The following ABRAXAS2 variants were observed in gnomAD, a reference collection of about 807,000 sequenced individuals.
ABRAXAS2 encodes the protein abraxas 2, BRISC complex subunit, also known as BRISC complex subunit Abraxas 2.
A neutral mutation model predicts 49.0 loss-of-function variants in ABRAXAS2; 23 were observed. That is an observed-to-expected ratio of 0.47 (90% CI 0.34 to 0.66). The LOEUF (loss-of-function observed/expected upper bound fraction) is 0.66, where lower values mean the gene tolerates loss of function less well. Among genes scored for constraint, ABRAXAS2 ranks in the 30% least tolerant of loss-of-function variants. ABRAXAS2 has a pLI of 0.01. For missense variants in ABRAXAS2, 443 were observed against 511.9 expected, an observed-to-expected ratio of 0.87 and a Z score of 1.30; for synonymous variants, 168 against 180.2, an observed-to-expected ratio of 0.93 and a Z score of 0.54.
intron 7 of ABRAXAS2, among the ~76,000 whole-genome samples, chr10:124,830,468 TGA>T (rs1235476554): frequency 6.6e-6 from 1 of 151,752 alleles, no homozygotes; most frequent in Non-Finnish European, 1.5e-5. Context: ...ATAAAAAGGA[TGA>T]AGGCCTCAGT....
intron 2 of ABRAXAS2, chr10:124,815,145 C>A (rs1950815236): frequency 6.6e-6 from 1 of 151,948 alleles, no homozygotes; most frequent in Admixed American, 6.6e-5. Flanking sequence ...AACATTAACA[C>A]AAGTACAGAA....
chr10:124,803,997 A>C (rs985210002), intron 1 of ABRAXAS2, among the ~76,000 whole-genome samples: 1 of 152,232 alleles, frequency 6.6e-6, no homozygotes, highest in African/African-American at 2.4e-5. Flanking sequence ...CCTACTATAA[A>C]GGAACATTGG....
chr10:124,801,878 A>T lies in ABRAXAS2; in HGVS notation c.49A>T (p.Ser17Cys). ...CACCTTCAGTGCTGTGTGTTTCCAC[A>T]GCGCCAACAGCAACGCGGACCACGT... ...GYTFSAVCFH[S>C]ANSNADHEGF... The change falls in exon 1 of 9, where the codon AGC (serine) becomes TGC (cysteine). Residue 17 changes from serine (S) to cysteine (C), a missense_variant. By Grantham distance (112) the Ser-to-Cys change is moderately radical (BLOSUM62 -1). Transcript: ENST00000298492. The T allele has an allele frequency of 6.2e-7, 1 of 1,613,100 alleles. No homozygotes were observed. The highest frequency in any genetic ancestry group is 8.5e-7 in the Non-Finnish European group (1 of 1,179,720).
intron 2 of ABRAXAS2, 89 bp from the exon 3 acceptor site, chr10:124,816,487 T>G (rs1001813871): frequency 1.1e-5 from 9 of 789,026 alleles, no homozygotes; most frequent in Middle Eastern, 2.9e-4. Context: ...TGTCAGAGAT[T>G]TTGATTAAAA....
intron 1 of ABRAXAS2, among the ~76,000 whole-genome samples, chr10:124,803,649 C>G (rs1950721572): frequency 6.6e-6 from 1 of 152,192 alleles, no homozygotes; most frequent in Admixed American, 6.6e-5. Flanking sequence ...TGCCTGTAAT[C>G]CCAGCACTTT....
chr10:124,804,713 C>CTTT (rs1444245073), intron 1 of ABRAXAS2, among the ~76,000 whole-genome samples: 2 of 90,140 alleles, frequency 2.2e-5, no homozygotes, highest in African/African-American at 7.0e-5. Context: ...TTCTTTTTTT[C>CTTT]TTTCTTTTTT....
At position 124,835,102 on chromosome 10, in the gene ABRAXAS2, A is replaced by G; in HGVS notation, c.*131A>G. 1 of 683,084 alleles carries G rather than the reference A, an allele frequency of 1.5e-6. No individual in the cohort carries two copies. The highest frequency in any genetic ancestry group is 2.4e-6 in the Non-Finnish European group (1 of 413,924). 42.3% of individuals were successfully genotyped at this position (683,084 alleles called of 1,614,324 possible). On this transcript the variant is annotated 3_prime_UTR_variant, in exon 9 of 9. Transcript: ENST00000298492. The stretch of plus-strand genomic sequence containing the variant: ...ACTCCCGAGAAGAGAGTCCTTGTGC[A>G]CAGAACTTGTGGGAGCCTCCATCCG...
chr10:124,811,030 T>C, intron 2 of ABRAXAS2, among the ~76,000 whole-genome samples: 1 of 146,818 alleles, frequency 6.8e-6, no homozygotes, highest in East Asian at 2.2e-4. Context: ...CCATCCTGGC[T>C]AACATGGTGA....
chr10:124,829,541 T>C (rs1341888635), intron 7 of ABRAXAS2, 64 bp downstream of exon 7: 5 of 1,096,158 alleles, frequency 4.6e-6, no homozygotes, highest in Non-Finnish European at 6.8e-6. Context: ...AATTCTACTT[T>C]AATTTTGAAT....
chr10:124,804,103 A>C (rs935631157), intron 1 of ABRAXAS2, among the ~76,000 whole-genome samples: 1 of 152,154 alleles, frequency 6.6e-6, no homozygotes, highest in African/African-American at 2.4e-5. Context: ...AGGTCTTGCT[A>C]TGTGGCCCAG....
intron 2 of ABRAXAS2, among the ~76,000 whole-genome samples, chr10:124,816,123 G>A (rs1298772526): frequency 6.6e-6 from 1 of 151,946 alleles, no homozygotes; most frequent in Non-Finnish European, 1.5e-5. Flanking sequence ...GACTGGTCTT[G>A]AACTCCTGAC....
chr10:124,833,031 A>T (rs1394239390), intron 8 of ABRAXAS2, among the ~76,000 whole-genome samples: 1 of 151,058 alleles, frequency 6.6e-6, no homozygotes, highest in Non-Finnish European at 1.5e-5. Flanking sequence ...CTGTAATCCC[A>T]GCTACTCGGG....
intron 3 of ABRAXAS2, among the ~76,000 whole-genome samples, chr10:124,817,371 G>GA (rs1950831438): frequency 6.6e-6 from 1 of 152,112 alleles, no homozygotes; most frequent in African/African-American, 2.4e-5. Context: ...GTGAGGAAAA[G>GA]AAAGTCCAGG....
intron 5 of ABRAXAS2, among the ~76,000 whole-genome samples, chr10:124,827,606 T>A (rs1241117904): frequency 1.3e-5 from 2 of 152,204 alleles, no homozygotes; most frequent in Non-Finnish European, 2.9e-5. Flanking sequence ...CATCATTTGC[T>A]TCTCCATAAT....
intron 8 of ABRAXAS2, 67 bp from the exon 9 acceptor site, chr10:124,834,435 G>A: frequency 1.4e-6 from 2 of 1,395,094 alleles, no homozygotes; most frequent in Non-Finnish European, 2.0e-6. Context: ...GGTTGGCCGT[G>A]TTATACATTG....
At chr10:124,827,091 CA>C (rs74221364) in intron 5 of ABRAXAS2, among the ~76,000 whole-genome samples, 2,759 of 84,366 alleles carry the variant, frequency 0.033, 95 homozygotes, top group African/African-American at 0.11. Context: ...GAATCCATCT[CA>C]AAAAAAAAAA....
intron 1 of ABRAXAS2, among the ~76,000 whole-genome samples, chr10:124,802,413 G>C (rs1249051047): frequency 1.3e-5 from 2 of 152,168 alleles, no homozygotes; most frequent in Admixed American, 6.5e-5. Flanking sequence ...TGTTTTCTTC[G>C]CCCTGATGCA....
intron 2 of ABRAXAS2, among the ~76,000 whole-genome samples, chr10:124,808,245 G>C (rs1401496175): frequency 1.3e-5 from 2 of 151,240 alleles, no homozygotes; most frequent in South Asian, 2.1e-4. Context: ...GCACGATCTC[G>C]GCTCACTGCA....
At chr10:124,802,469 T>C (rs1228898775) in intron 1 of ABRAXAS2, among the ~76,000 whole-genome samples, 1 of 152,200 alleles carries the variant, frequency 6.6e-6, no homozygotes, top group African/African-American at 2.4e-5. Flanking sequence ...GTCTATTTTG[T>C]ATTTCCTTGA....
Sources: gnomAD v4.1 joint callset for allele counts (sites outside exome capture counted in the v4.1 genomes callset) on GRCh38, gnomAD v4.1.1 for gene constraint, MANE v1.5 for transcripts, NCBI Gene and HGNC (gene_info 2026-07-23, HGNC 2026-07-21) for gene names.